The following MYO16 variants were observed in gnomAD, a reference collection of about 807,000 sequenced individuals.
MYO16 encodes the protein unconventional myosin-XVI.
MYO16 carries 94 observed loss-of-function variants against 205.3 expected under a neutral mutation model. The observed-to-expected ratio is 0.46, with a 90% CI of 0.39 to 0.54. MYO16 has a LOEUF of 0.54. Among genes scored for constraint, MYO16 ranks in the 20% least tolerant of loss-of-function variants. The probability of loss-of-function intolerance (pLI) is 0.00; values close to 1 mark genes in which losing one functional copy is unlikely to be tolerated. For missense variants in MYO16, 2,315 were observed against 2,387.5 expected (o/e 0.97, Z 0.63); for synonymous variants, 988 against 954.0 (o/e 1.04, Z -0.66).
chr13:108,659,840 T>C (rs1429361309), intron 1 of MYO16, among the ~76,000 whole-genome samples: 4 of 152,238 alleles, frequency 2.6e-5, no homozygotes, highest in Non-Finnish European at 2.9e-5. Context: ...AGTTCCTGCC[T>C]TTATGGGGCT....
intron 4 of MYO16, among the ~76,000 whole-genome samples, chr13:108,759,885 G>A (rs570248481): frequency 6.6e-6 from 1 of 151,542 alleles, no homozygotes; most frequent in East Asian, 1.9e-4. Flanking sequence ...GAATATAAAA[G>A]TAAACAGTAT....
chr13:108,759,762 G>C (rs1885541649), intron 4 of MYO16, among the ~76,000 whole-genome samples: 1 of 150,850 alleles, frequency 6.6e-6, no homozygotes, highest in Non-Finnish European at 1.5e-5. Flanking sequence ...CGGAGTTGCA[G>C]TGAGCCGAGA....
intron 23 of MYO16, among the ~76,000 whole-genome samples, chr13:109,040,477 G>A (rs1417532152): frequency 4.7e-5 from 7 of 150,142 alleles, no homozygotes; most frequent in Admixed American, 4.0e-4. Context: ...TAATATATTA[G>A]CAGATAGAAC....
intron 2 of MYO16, among the ~76,000 whole-genome samples, chr13:108,674,051 G>A (rs745597718): frequency 5.3e-5 from 8 of 152,050 alleles, no homozygotes; most frequent in Non-Finnish European, 4.4e-5. Context: ...AAAATATGTC[G>A]ATGATCAATA....
At chr13:108,530,255 G>A in the MYO16 span, among the ~76,000 whole-genome samples, 5 of 152,166 alleles carry the variant, frequency 3.3e-5, no homozygotes, top group Non-Finnish European at 5.9e-5. Context: ...AGAGTCAGTC[G>A]AAGGACGAAT....
chr13:108,689,640 C>G (rs9520963), intron 2 of MYO16, among the ~76,000 whole-genome samples: 17,605 of 151,832 alleles, frequency 0.12, 1,167 homozygotes, highest in Admixed American at 0.16. Context: ...ATTTCCTTGC[C>G]TAATTTTATT....
the MYO16 span, among the ~76,000 whole-genome samples, chr13:108,549,350 A>T: frequency 6.6e-6 from 1 of 152,144 alleles, no homozygotes; most frequent in African/African-American, 2.4e-5. Context: ...AAGCTGGAAA[A>T]GGCTGGAGAA....
intron 23 of MYO16, among the ~76,000 whole-genome samples, chr13:109,043,107 G>A (rs765634869): frequency 6.6e-6 from 1 of 152,124 alleles, no homozygotes; most frequent in Non-Finnish European, 1.5e-5. Flanking sequence ...AGATTAGTTA[G>A]CATTATATTA....
chr13:108,545,553 A>G, the MYO16 span, among the ~76,000 whole-genome samples: 8 of 152,146 alleles, frequency 5.3e-5, no homozygotes, highest in African/African-American at 1.9e-4. Context: ...TGGTACTTCT[A>G]TTTGAAGTTC....
upstream of MYO16, among the ~76,000 whole-genome samples, chr13:108,594,778 A>G (rs1260027383): frequency 6.6e-6 from 1 of 152,158 alleles, no homozygotes; most frequent in Non-Finnish European, 1.5e-5. Context: ...CAGGTCTTGT[A>G]CCATTGCCTG....
chr13:108,593,461 G>A (rs899187125), upstream of MYO16, among the ~76,000 whole-genome samples: 19 of 152,126 alleles, frequency 1.2e-4, no homozygotes, highest in African/African-American at 3.6e-4. Flanking sequence ...TCACCTGGAC[G>A]CACCTGAGAC....
chr13:109,106,339 A>C (rs562775718), intron 28 of MYO16, among the ~76,000 whole-genome samples: 42 of 152,206 alleles, frequency 2.8e-4, no homozygotes, highest in Non-Finnish European at 5.7e-4. Context: ...TTTTAAATTC[A>C]GTGCTATCTT....
intron 9 of MYO16, among the ~76,000 whole-genome samples, chr13:108,842,700 C>T (rs1877308339): frequency 1.3e-5 from 2 of 151,934 alleles, no homozygotes; most frequent in South Asian, 4.1e-4. Context: ...TATGGAGTTT[C>T]CTCAAAAAAT....
Position 109,022,225 on chromosome 13 carries a change from TTATATA to T in MYO16, c.2796+2318_2796+2323del, listed in dbSNP as rs1183550111. 9.0e-5 allele frequency among the ~76,000 whole-genome samples: 12 copies of T among 133,304 alleles called. 2 individuals carry two copies. The highest frequency in any genetic ancestry group is 3.6e-4 in the African/African-American group (12 of 33,144). 87.5% of individuals were successfully genotyped at this position (133,304 alleles called of 152,430 possible). ...TATTTATAATTTTTATATTTATATATTATATATATGTATATATTTATATATACAAAT... is the reference window on the plus strand; with the variant it reads ...TATTTATAATTTTTATATTTATATATTATGTATATATTTATATATACAAAT... On this transcript the variant is annotated intron_variant, in intron 23 of 34. Transcript: ENST00000457511.
At chr13:109,072,547 C>G (rs1887955160) in intron 27 of MYO16, among the ~76,000 whole-genome samples, 1 of 151,106 alleles carries the variant, frequency 6.6e-6, no homozygotes. Flanking sequence ...TTTGCTACTC[C>G]TAATGGTTAT....
intron 32 of MYO16, among the ~76,000 whole-genome samples, chr13:109,144,852 A>G (rs1877257224): frequency 6.6e-6 from 1 of 152,232 alleles, no homozygotes; most frequent in Non-Finnish European, 1.5e-5. Flanking sequence ...GTTGAAATAT[A>G]ATGTGCTATA....
At chr13:108,655,470 A>G (rs1881200667) in intron 1 of MYO16, among the ~76,000 whole-genome samples, 2 of 152,218 alleles carry the variant, frequency 1.3e-5, no homozygotes, top group African/African-American at 4.8e-5. Flanking sequence ...AGTCTGCGGC[A>G]GCGGCGTGGC....
chr13:108,564,866 G>A, the MYO16 span, among the ~76,000 whole-genome samples: 11 of 152,100 alleles, frequency 7.2e-5, no homozygotes, highest in African/African-American at 2.4e-4. Context: ...TTCTTCATTC[G>A]TATGGATATC....
chr13:109,171,562 C>A (rs1248983998), intron 33 of MYO16, among the ~76,000 whole-genome samples: 5 of 152,118 alleles, frequency 3.3e-5, no homozygotes, highest in African/African-American at 4.8e-5. Flanking sequence ...AATTGCCATC[C>A]TTTTACTGAT....
Sources: gnomAD v4.1 joint callset for allele counts (sites outside exome capture counted in the v4.1 genomes callset) on GRCh38, gnomAD v4.1.1 for gene constraint, MANE v1.5 for transcripts, NCBI Gene and HGNC (gene_info 2026-07-23, HGNC 2026-07-21) for gene names.